Variants in HECTD4 observed in about 807,000 individuals in gnomAD.
The protein encoded by HECTD4 is HECT domain E3 ubiquitin protein ligase 4, also known as probable E3 ubiquitin-protein ligase HECTD4.
A neutral mutation model predicts 471.5 loss-of-function variants in HECTD4; 114 were observed. The ratio of observed to expected loss-of-function variants is 0.24; its 90% CI spans 0.21 to 0.28. The LOEUF is 0.28. Ranked by LOEUF, HECTD4 falls within the 10% of genes least tolerant of loss-of-function variation. The probability of loss-of-function intolerance (pLI) is 1.00; values close to 1 mark genes in which losing one functional copy is unlikely to be tolerated. For missense variants in HECTD4, 3,866 were observed against 5,651.5 expected, an observed-to-expected ratio of 0.68 and a Z score of 10.13; for synonymous variants, 2,012 against 2,256.0, an observed-to-expected ratio of 0.89 and a Z score of 3.07.
intron 25 of HECTD4, chr12:112,249,812 C>A: frequency 3.0e-6 from 1 of 329,478 alleles, no homozygotes; most frequent in South Asian, 3.1e-5. Context: ...AAACCTAGCA[C>A]TTGTCACACT....
At chr12:112,358,632 A>G (rs2036389931) in intron 1 of HECTD4, among the ~76,000 whole-genome samples, 1 of 152,158 alleles carries the variant, frequency 6.6e-6, no homozygotes, top group Non-Finnish European at 1.5e-5. Flanking sequence ...ACAGATTATG[A>G]TCAAAGAAAG....
chr12:112,313,140 G>A lies in HECTD4; in HGVS notation c.793C>T (p.Leu265Phe), dbSNP rs765789656. The change falls in exon 4 of 76, where the codon CTT becomes TTT. Residue 265 changes from leucine to phenylalanine, a missense_variant. Around this residue, in one of 16 missense-constraint regions of HECTD4, gnomAD observed 440 missense variants for 636.0 expected, o/e 0.69. Transcript: ENST00000682272. ...PVADVLYRLL[L>F]LEGGPGSPSC... ...GGAGATCCAGGCCCCCCTTCCAAAA[G>A]CAACAGCCTATATGGGGGAGAAAGA... is the stretch of plus-strand genomic sequence containing the variant. The A allele has an allele frequency of 6.5e-7, 1 of 1,535,098 alleles. No individual in the cohort carries two copies. Among genetic ancestry groups the A allele is most frequent in the South Asian group, 1.2e-5 (1 of 83,946 alleles).
chr12:112,226,895 TTTTTC>T (rs1410122831), intron 43 of HECTD4, 137 bp from the exon 44 acceptor site: 1 of 574,374 alleles, frequency 1.7e-6, no homozygotes, highest in Non-Finnish European at 3.1e-6. Context: ...TCTTGCTTTT[TTTTTC>T]TGAGCTGGAC....
intron 1 of HECTD4, among the ~76,000 whole-genome samples, chr12:112,349,618 T>G (rs983322618): frequency 6.6e-6 from 1 of 151,920 alleles, no homozygotes; most frequent in Non-Finnish European, 1.5e-5. Context: ...TGAATCTCAA[T>G]CTCATGCTGA....
At chr12:112,245,047 G>A (rs569106168) in intron 29 of HECTD4, among the ~76,000 whole-genome samples, 12 of 152,284 alleles carry the variant, frequency 7.9e-5, no homozygotes, top group African/African-American at 2.9e-4. Flanking sequence ...CTGTTGCCCA[G>A]GCTGAAGAGC....
chr12:112,295,981 C>G (rs1428325052), intron 7 of HECTD4, among the ~76,000 whole-genome samples: 2 of 152,044 alleles, frequency 1.3e-5, no homozygotes, highest in East Asian at 3.9e-4. Context: ...GATATTTGAG[C>G]AGAGACATTT....
intron 5 of HECTD4, 66 bp downstream of exon 5, chr12:112,309,495 T>C (rs962509736): frequency 2.2e-5 from 16 of 735,598 alleles, no homozygotes; most frequent in Non-Finnish European, 3.7e-5. Context: ...CAGTGTCTTC[T>C]TCAGAGATTT....
At chr12:112,175,936 C>A in intron 65 of HECTD4, 77 bp from the exon 66 acceptor site, 1 of 1,554,750 alleles carries the variant, frequency 6.4e-7, no homozygotes, top group Non-Finnish European at 8.8e-7. Context: ...TCTGCTCTCA[C>A]CACAGCCTCT....
rs903611015 is a variant in HECTD4 at position 112,238,920 on chromosome 12, C to G, written c.5290+132G>C. On this transcript the variant is annotated intron_variant, in intron 34 of 75. Coordinates refer to ENST00000682272, the MANE Select transcript of HECTD4 (RefSeq NM_001388303.1). ...GAGGAAAAGTCTCTCATGAAATCAT[C>G]CACTGATTTAACCCATCTGATCATG... 42 of 804,532 alleles carry G rather than the reference C, an allele frequency of 5.2e-5. No individual in the cohort carries two copies. In the Middle Eastern group the frequency reaches 1.2e-3, roughly 23 times the overall value. The allele number at this position is 804,532 out of a possible 1,614,324, so 49.8% of individuals were successfully genotyped here. A position where few individuals can be genotyped will look rare whatever the true frequency, so the allele number is the denominator to read the frequency against.
intron 1 of HECTD4, among the ~76,000 whole-genome samples, chr12:112,340,574 A>G (rs956056597): frequency 6.6e-6 from 1 of 152,194 alleles, no homozygotes; most frequent in Non-Finnish European, 1.5e-5. Flanking sequence ...GATGCTGCTT[A>G]CATCCTACAA....
intron 34 of HECTD4, among the ~76,000 whole-genome samples, chr12:112,238,780 A>G (rs1344833089): frequency 6.6e-6 from 1 of 152,170 alleles, no homozygotes; most frequent in Non-Finnish European, 1.5e-5. Context: ...AGCAGTATTG[A>G]CAAGGAGAGA....
At chr12:112,279,048 T>C (rs1332956453) in intron 9 of HECTD4, among the ~76,000 whole-genome samples, 180 bp downstream of exon 9, 1 of 152,234 alleles carries the variant, frequency 6.6e-6, no homozygotes, top group Non-Finnish European at 1.5e-5. Context: ...TAATATGCCA[T>C]CCACAAAAAA....
chr12:112,258,533 C>T lies in HECTD4; in HGVS notation c.3091G>A (p.Ala1031Thr). Residue 1031 changes from alanine to threonine, a missense_variant, in exon 20 of 76, where the codon GCA becomes ACA. Physicochemically the swap from Ala to Thr is moderately conservative, Grantham distance 58. Around this residue, in one of 16 missense-constraint regions of HECTD4, gnomAD observed 525 missense variants for 672.6 expected, o/e 0.78. Coordinates refer to ENST00000682272, the MANE Select transcript of HECTD4 (RefSeq NM_001388303.1). ...AACAGCCTGCACTTCTGGTCTGGTGCACCACACGGGGAACAGCCCACCTCA... is the reference window on the plus strand; with the variant it reads ...AACAGCCTGCACTTCTGGTCTGGTGTACCACACGGGGAACAGCCCACCTCA... ...FAEVGCSPCG[A>T]PDQKCRLFPD... 1.9e-6 allele frequency: 3 copies of T among 1,604,492 alleles called. No individual in the cohort carries two copies. The highest frequency in any genetic ancestry group is 2.2e-5 in the South Asian group (2 of 89,642).
At chr12:112,220,872 C>T (rs1030780448) in intron 44 of HECTD4, among the ~76,000 whole-genome samples, 4 of 151,428 alleles carry the variant, frequency 2.6e-5, no homozygotes, top group Admixed American at 1.3e-4. Context: ...TCCAGCACTT[C>T]GGGAGGCTGA....
At chr12:112,203,267 C>T (rs1366813711) in intron 54 of HECTD4, 1 of 163,530 alleles carries the variant, frequency 6.1e-6, no homozygotes, top group Non-Finnish European at 1.3e-5. Flanking sequence ...GTCTGTATGA[C>T]CATCATGGCA....
chr12:112,353,979 A>G (rs1314944279), intron 1 of HECTD4, among the ~76,000 whole-genome samples: 1 of 152,196 alleles, frequency 6.6e-6, no homozygotes, highest in Non-Finnish European at 1.5e-5. Flanking sequence ...AGGCAGATGT[A>G]GGACAGTCAC....
intron 1 of HECTD4, among the ~76,000 whole-genome samples, chr12:112,329,037 A>G (rs1398967490): frequency 6.6e-6 from 1 of 152,220 alleles, no homozygotes; most frequent in Non-Finnish European, 1.5e-5. Flanking sequence ...TTCTTTTACC[A>G]TGAAAGTTCC....
chr12:112,352,763 T>A (rs2036268557), intron 1 of HECTD4, among the ~76,000 whole-genome samples: 2 of 151,894 alleles, frequency 1.3e-5, no homozygotes, highest in South Asian at 4.2e-4. Flanking sequence ...TATGCCAAAA[T>A]GCCCAGCTAG....
chr12:112,247,454 C>A lies in HECTD4; in HGVS notation c.4337+8G>T. On this transcript the variant is annotated splice_region_variant and intron_variant, in intron 28 of 75. Transcript: ENST00000682272. ...ATAATAGCCTTAATAGTTATTAATA[C>A]GACTAACCTCAGTGATAGGACCATG... 1 of 1,438,376 alleles carries A rather than the reference C, an allele frequency of 7.0e-7. No individual in the cohort carries two copies. Among genetic ancestry groups the A allele is most frequent in the Non-Finnish European group, 9.5e-7 (1 of 1,055,684 alleles). 89.1% of individuals were successfully genotyped at this position (1,438,376 alleles called of 1,614,324 possible).
Sources: allele counts gnomAD v4.1 joint callset (sites outside exome capture counted in the v4.1 genomes callset), GRCh38; gene constraint gnomAD v4.1.1; regional missense constraint gnomAD v4.1.1; transcripts MANE v1.5; gene names NCBI Gene and HGNC (gene_info 2026-07-23, HGNC 2026-07-21).